Variants in ITPKA observed in about 807,000 individuals in gnomAD.
The protein encoded by ITPKA is inositol-trisphosphate 3-kinase A.
Under a neutral mutation model 40.7 loss-of-function variants are expected in ITPKA, and 16 were observed. That is an observed-to-expected ratio of 0.39 (90% CI 0.27 to 0.60). The LOEUF is 0.60. ITPKA is among the 20% of genes least tolerant of loss of function. ITPKA has a pLI of 0.50. For missense variants in ITPKA, 540 were observed against 649.3 expected (o/e 0.83, Z 1.83); for synonymous variants, 313 against 289.9 (o/e 1.08, Z -0.81).
intron 1 of ITPKA, among the ~76,000 whole-genome samples, chr15:41,499,254 G>A (rs1418396718): frequency 2.0e-5 from 3 of 152,206 alleles, no homozygotes; most frequent in African/African-American, 7.2e-5. Context: ...CTAGTGGGCT[G>A]CTTCTGGCTA....
intron 1 of ITPKA, among the ~76,000 whole-genome samples, chr15:41,497,525 G>C (rs559106923): frequency 6.6e-6 from 1 of 152,128 alleles, no homozygotes; most frequent in Non-Finnish European, 1.5e-5. Flanking sequence ...ACCGCGCCTG[G>C]GCTTACATTC....
chr15:41,501,928 G>T lies in ITPKA; in HGVS notation c.804-69G>T, dbSNP rs1595450114. 3.8e-6 allele frequency: 6 copies of T among 1,588,952 alleles called. 1 individual carries two copies. In the Admixed American group the frequency reaches 1.0e-4, roughly 27 times the overall value. On this transcript the variant is annotated intron_variant, in intron 3 of 6. Coordinates refer to ENST00000260386, the MANE Select transcript of ITPKA (RefSeq NM_002220.3). ...CGGGACAGCTGCTTGAGGGGGACCC[G>T]GGGCGAGTGCTCGAAGGGGTCTCCG...
At chr15:41,502,665 GCC>G in intron 5 of ITPKA, 121 bp from the exon 6 acceptor site, 1 of 1,049,890 alleles carries the variant, frequency 9.5e-7, no homozygotes, top group Non-Finnish European at 1.4e-6. Flanking sequence ...GCTGGGCGGG[GCC>G]CTGGGTCCTC....
At chr15:41,496,414 T>A (rs929058156) in intron 1 of ITPKA, among the ~76,000 whole-genome samples, 1 of 152,090 alleles carries the variant, frequency 6.6e-6, no homozygotes, top group African/African-American at 2.4e-5. Flanking sequence ...CTTCACCTCC[T>A]AGGAGCCCTC....
intron 1 of ITPKA, among the ~76,000 whole-genome samples, chr15:41,497,512 GC>G (rs1355820397): frequency 6.6e-6 from 1 of 152,152 alleles, no homozygotes; most frequent in Non-Finnish European, 1.5e-5. Flanking sequence ...ACAGGTGTCA[GC>G]CACCGCGCCT....
chr15:41,502,316 C>G, intron 4 of ITPKA, 86 bp from the exon 5 acceptor site: 1 of 1,403,928 alleles, frequency 7.1e-7, no homozygotes, highest in South Asian at 1.2e-5. Context: ...TCGCCGTCCC[C>G]TGCAACTGGG....
chr15:41,500,490 C>G (rs2051102129), intron 1 of ITPKA, among the ~76,000 whole-genome samples: 1 of 152,158 alleles, frequency 6.6e-6, no homozygotes, highest in Non-Finnish European at 1.5e-5. Context: ...ATGAGAGGAA[C>G]CAAGGTCCTG....
Position 41,503,011 on chromosome 15 carries a change from G to C in ITPKA, c.1231G>C (p.Gly411Arg), listed in dbSNP as rs376720541. 1.9e-6 allele frequency: 3 copies of C among 1,608,502 alleles called. No individual in the cohort carries two copies. The highest frequency in any genetic ancestry group is 2.5e-6 in the Non-Finnish European group (3 of 1,176,942). Residue 411 changes from glycine (G) to arginine (R), a missense_variant, in exon 7 of 7, where the codon GGC becomes CGC. Physicochemically the swap from Gly to Arg is moderately radical, Grantham distance 125. Transcript: ENST00000260386. ...TGTGCACGATCACTGCCATCGCGCCGGCGTGTGGCTCATCGACTTCGGCAA... is the reference window on the plus strand; with the variant it reads ...TGTGCACGATCACTGCCATCGCGCCCGCGTGTGGCTCATCGACTTCGGCAA... Reference protein sequence around the residue: ...LFVHDHCHRAGVWLIDFGKTT... With the variant: ...LFVHDHCHRARVWLIDFGKTT...
chr15:41,502,370 CG>C (rs2051122082), intron 4 of ITPKA, 31 bp from the exon 5 acceptor site: 1 of 1,511,918 alleles, frequency 6.6e-7, no homozygotes, highest in Non-Finnish European at 9.2e-7. Context: ...CTGGCGGGCC[CG>C]GGGCCCCTGA....
In ITPKA at chr15:41,501,657, C is replaced by G; in HGVS notation, c.609C>G (p.Thr203=). 6.2e-7 allele frequency: 1 copy of G among 1,608,420 alleles called. No individual in the cohort carries two copies. The highest frequency in any genetic ancestry group is 8.5e-7 in the Non-Finnish European group (1 of 1,178,022). ...CAGGGAGTTTTAAGGCGGCGGGCAC[C>G]AGCGGGCTGATCCTGAAGCGCTGCT... The part of the protein sequence containing the change: ...GHTGSFKAAG[T]SGLILKRCSE... Residue 203 remains threonine, a synonymous_variant, in exon 3 of 7, where the codon ACC becomes ACG. Coordinates refer to ENST00000260386, the MANE Select transcript of ITPKA (RefSeq NM_002220.3).
At chr15:41,500,834 C>G (rs2051104118) in intron 1 of ITPKA, among the ~76,000 whole-genome samples, 1 of 151,708 alleles carries the variant, frequency 6.6e-6, no homozygotes, top group African/African-American at 2.4e-5. Flanking sequence ...ATGGTGAAAC[C>G]CTGTCTCTAC....
chr15:41,499,750 T>A (rs1263489295), intron 1 of ITPKA, among the ~76,000 whole-genome samples: 1 of 152,102 alleles, frequency 6.6e-6, no homozygotes, highest in Non-Finnish European at 1.5e-5. Flanking sequence ...TGAGCCAACC[T>A]GTGTACTTCA....
chr15:41,498,174 C>T (rs2051087167), intron 1 of ITPKA, among the ~76,000 whole-genome samples: 1 of 151,890 alleles, frequency 6.6e-6, no homozygotes, highest in Admixed American at 6.6e-5. Flanking sequence ...GGCATGGTGA[C>T]TCACATCTGT....
Position 41,502,138 on chromosome 15 carries a change from C to T in ITPKA, c.945C>T (p.Tyr315=), listed in dbSNP as rs1425738449. 5.0e-6 allele frequency: 8 copies of T among 1,608,602 alleles called. No homozygotes were observed. The Admixed American group carries it at 1.0e-4, about 20-fold the overall frequency. ...HAQRAVTKPR[Y]MQWREGISSS... ...AGCGCGCCGTCACCAAGCCGCGCTA[C>T]ATGCAGTGGCGGGAAGGCATCAGCT... The change falls in exon 4 of 7, where the codon TAC becomes TAT. Residue 315 remains tyrosine, a synonymous_variant. Coordinates refer to ENST00000260386, the MANE Select transcript of ITPKA (RefSeq NM_002220.3).
At chr15:41,498,076 C>T (rs1261287828) in intron 1 of ITPKA, among the ~76,000 whole-genome samples, 1 of 152,020 alleles carries the variant, frequency 6.6e-6, no homozygotes, top group Non-Finnish European at 1.5e-5. Context: ...TCGCTCAAAC[C>T]TGGAAGACAG....
rs574486119 is a variant in ITPKA at position 41,502,441 on chromosome 15, C to A, written c.1048C>A (p.Arg350=). The A allele has an allele frequency of 3.1e-6, 5 of 1,604,284 alleles. No homozygotes were observed. Among genetic ancestry groups the A allele is most frequent in the Non-Finnish European group, 3.4e-6 (4 of 1,171,900 alleles). Residue 350 remains arginine (R), a synonymous_variant, in exon 5 of 7, where the codon CGA becomes AGA. Transcript: ENST00000260386. The part of the protein sequence containing the change: ...GSCSTDFKTT[R]SREQVLRVFE... ...CTGCAGCACCGACTTCAAGACTACG[C>A]GAAGCCGAGAGCAGGTGCTTCGCGT... is the stretch of plus-strand genomic sequence containing the variant.
chr15:41,502,899 A>G lies in ITPKA; in HGVS notation c.1182+40A>G, dbSNP rs759990033. On this transcript the variant is annotated intron_variant, in intron 6 of 6. Coordinates refer to ENST00000260386, the MANE Select transcript of ITPKA (RefSeq NM_002220.3). ...CCCGGGTGCCCGGGCCGCGAGGGCT[A>G]GGGCGGGAACCCGGCAAGGGCGTCT... is the stretch of plus-strand genomic sequence containing the variant. The G allele has an allele frequency of 2.6e-5, 42 of 1,607,428 alleles. 1 individual carries two copies. In the South Asian group the frequency reaches 4.2e-4, roughly 16 times the overall value.
rs758803874 is a variant in ITPKA, at chr15:41,502,523, C to T, written c.1110+20C>T. 3.0e-5 allele frequency: 43 copies of T among 1,420,118 alleles called. No individual in the cohort carries two copies. Among genetic ancestry groups the T allele is most frequent in the Non-Finnish European group, 4.3e-5 (43 of 1,005,024 alleles). The allele number at this position is 1,420,118 out of a possible 1,614,324, so 88.0% of individuals were successfully genotyped here. A position where few individuals can be genotyped will look rare whatever the true frequency, so the allele number is the denominator to read the frequency against. ...GTGCTGGTGAGAGCGGGATCCCAAA[C>T]CCTGAGGTGTTGGGGAGCCTGAAGC... On this transcript the variant is annotated intron_variant, in intron 5 of 6. Transcript: ENST00000260386.
chr15:41,503,003 A>G lies in ITPKA; in HGVS notation c.1223A>G (p.His408Arg), dbSNP rs750682391. Reference sequence around the variant, plus strand: ...CTCCTCTTTGTGCACGATCACTGCCATCGCGCCGGCGTGTGGCTCATCGAC... The same window carrying G: ...CTCCTCTTTGTGCACGATCACTGCCGTCGCGCCGGCGTGTGGCTCATCGAC... Reference protein sequence around the residue: ...SSLLFVHDHCHRAGVWLIDFG... With the variant: ...SSLLFVHDHCRRAGVWLIDFG... Residue 408 changes from histidine to arginine, a missense_variant, in exon 7 of 7, where the codon CAT (histidine) becomes CGT (arginine). By Grantham distance (29) the His-to-Arg change is conservative. Coordinates refer to ENST00000260386, the MANE Select transcript of ITPKA (RefSeq NM_002220.3). The G allele has an allele frequency of 8.1e-6, 13 of 1,607,970 alleles. No individual in the cohort carries two copies. Among genetic ancestry groups the G allele is most frequent in the Admixed American group, 3.4e-5 (2 of 59,672 alleles).
Sources: gnomAD v4.1 joint callset for allele counts (sites outside exome capture counted in the v4.1 genomes callset) on GRCh38, gnomAD v4.1.1 for gene constraint, MANE v1.5 for transcripts, NCBI Gene and HGNC (gene_info 2026-07-23, HGNC 2026-07-21) for gene names.